UNC5D: variants seen among roughly 807,000 people sequenced by gnomAD.
The protein encoded by UNC5D is netrin receptor UNC5D.
A neutral mutation model predicts 105.4 loss-of-function variants in UNC5D; 39 were observed. The observed-to-expected ratio is 0.37, with a 90% CI of 0.29 to 0.48. The LOEUF is 0.48. Among genes scored for constraint, UNC5D ranks in the 20% least tolerant of loss-of-function variants. UNC5D has a pLI of 0.98. For missense variants in UNC5D, 991 were observed against 1,202.4 expected (o/e 0.82, Z 2.60); for synonymous variants, 452 against 450.4 (o/e 1.00, Z -0.04).
At chr8:35,282,728 C>G (rs1022513969) in intron 1 of UNC5D, among the ~76,000 whole-genome samples, 1 of 111,940 alleles carries the variant, frequency 8.9e-6, no homozygotes, top group Non-Finnish European at 1.9e-5. Flanking sequence ...AAAAAAGCAA[C>G]CCAAAGCAGC....
chr8:35,292,322 T>G (rs1306070867), intron 1 of UNC5D, among the ~76,000 whole-genome samples: 1 of 152,212 alleles, frequency 6.6e-6, no homozygotes, highest in African/African-American at 2.4e-5. Flanking sequence ...ATGTGAGGAT[T>G]TTACTCACTT....
At chr8:35,552,735 T>C (rs28593494) in intron 2 of UNC5D, among the ~76,000 whole-genome samples, 1,987 of 152,236 alleles carry the variant, frequency 0.013, 59 homozygotes, top group African/African-American at 0.046. Flanking sequence ...GATCTTGTGC[T>C]CCCAAGGCTG....
intron 1 of UNC5D, among the ~76,000 whole-genome samples, chr8:35,259,347 C>T (rs1804288262): frequency 6.6e-6 from 1 of 152,122 alleles, no homozygotes; most frequent in South Asian, 2.1e-4. Context: ...AGATTTTACC[C>T]ACATTGCAGT....
At chr8:35,698,434 C>G (rs149402467) in intron 7 of UNC5D, among the ~76,000 whole-genome samples, 1 of 152,068 alleles carries the variant, frequency 6.6e-6, no homozygotes, top group African/African-American at 2.4e-5. Flanking sequence ...CCAGCCTCAG[C>G]CCTCAGCAAC....
intron 1 of UNC5D, among the ~76,000 whole-genome samples, chr8:35,243,081 A>G (rs1802893597): frequency 1.3e-5 from 2 of 152,184 alleles, no homozygotes. Context: ...TTCTGATTTA[A>G]TAAACCTGGG....
intron 1 of UNC5D, among the ~76,000 whole-genome samples, chr8:35,436,249 A>T (rs527666797): frequency 1.3e-5 from 2 of 152,190 alleles, no homozygotes; most frequent in East Asian, 3.9e-4. Flanking sequence ...TTGATTATAC[A>T]CTGGGGTCTA....
chr8:35,755,050 G>A (rs1218595299), intron 13 of UNC5D, among the ~76,000 whole-genome samples: 1 of 152,088 alleles, frequency 6.6e-6, no homozygotes, highest in Admixed American at 6.5e-5. Flanking sequence ...ATGCTTGTAT[G>A]TTTGACATCA....
chr8:35,273,178 T>C (rs537820073), intron 1 of UNC5D, among the ~76,000 whole-genome samples: 1 of 152,134 alleles, frequency 6.6e-6, no homozygotes, highest in Non-Finnish European at 1.5e-5. Flanking sequence ...AAATATGGAG[T>C]ATCTCAATAA....
intron 4 of UNC5D, among the ~76,000 whole-genome samples, chr8:35,608,411 A>G (rs967312837): frequency 6.6e-6 from 1 of 152,206 alleles, no homozygotes; most frequent in South Asian, 2.1e-4. Context: ...CTTAGCAAAC[A>G]TTTATTTTTA....
intron 1 of UNC5D, among the ~76,000 whole-genome samples, chr8:35,415,036 G>T (rs1805443648): frequency 1.3e-5 from 2 of 152,148 alleles, no homozygotes; most frequent in South Asian, 4.1e-4. Flanking sequence ...CTCACCTTAG[G>T]TCTAAATCAG....
At position 35,790,686 on chromosome 8, in the gene UNC5D, T is replaced by G; in HGVS notation, c.*123T>G. 1 of 1,083,172 alleles carries G rather than the reference T, an allele frequency of 9.2e-7. No homozygotes were observed. The highest frequency in any genetic ancestry group is 1.3e-6 in the Non-Finnish European group (1 of 746,104). The allele number at this position is 1,083,172 out of a possible 1,614,324, so 67.1% of individuals were successfully genotyped here. ...CAGCCTTCATTTATAATCAGTGAGA[T>G]TCCCCTGTTGAAGAAACTAAATTTT... On this transcript the variant is annotated 3_prime_UTR_variant, in exon 17 of 17. Coordinates refer to ENST00000404895, the MANE Select transcript of UNC5D (RefSeq NM_080872.4).
At chr8:35,249,004 T>TA (rs1803474405) in intron 1 of UNC5D, among the ~76,000 whole-genome samples, 1 of 74,572 alleles carries the variant, frequency 1.3e-5, no homozygotes, top group Non-Finnish European at 2.4e-5. Context: ...TATATAAACA[T>TA]ATATAATATA....
chr8:35,533,458 T>G (rs112688575), intron 1 of UNC5D, among the ~76,000 whole-genome samples: 2 of 152,174 alleles, frequency 1.3e-5, no homozygotes, highest in African/African-American at 4.8e-5. Context: ...AAAGCTGTCA[T>G]ACAAGGACAC....
chr8:35,294,493 C>A (rs1202996447), intron 1 of UNC5D, among the ~76,000 whole-genome samples: 2 of 152,166 alleles, frequency 1.3e-5, no homozygotes, highest in South Asian at 2.1e-4. Flanking sequence ...GCATTTAATT[C>A]TTTTTGCTCA....
At chr8:35,624,200 A>G (rs556945183) in intron 4 of UNC5D, among the ~76,000 whole-genome samples, 4 of 152,364 alleles carry the variant, frequency 2.6e-5, no homozygotes, top group Admixed American at 2.6e-4. Flanking sequence ...AAGATTAGTC[A>G]TCTTCACTCA....
At chr8:35,533,554 T>C (rs1397911060) in intron 1 of UNC5D, among the ~76,000 whole-genome samples, 1 of 152,222 alleles carries the variant, frequency 6.6e-6, no homozygotes, top group African/African-American at 2.4e-5. Flanking sequence ...GCAGGCCTCC[T>C]TGAGCTGTGG....
At chr8:35,614,778 A>C (rs1820910608) in intron 4 of UNC5D, among the ~76,000 whole-genome samples, 1 of 152,202 alleles carries the variant, frequency 6.6e-6, no homozygotes, top group Non-Finnish European at 1.5e-5. Context: ...CTGACTTTTG[A>C]CACGTCTTTA....
intron 1 of UNC5D, among the ~76,000 whole-genome samples, chr8:35,448,574 A>AGGCTCAG (rs1807945543): frequency 6.6e-6 from 1 of 152,128 alleles, no homozygotes; most frequent in African/African-American, 2.4e-5. Flanking sequence ...CCTCCCCAGC[A>AGGCTCAG]GAGGTGGGGC....
In UNC5D at chr8:35,397,734, T is replaced by C. The variant is rs147613697; in HGVS notation, c.104-151558T>C. Among the ~76,000 whole-genome samples the C allele has an allele frequency of 3.1e-3, 467 of 152,338 alleles. 6 individuals are homozygous for C. The highest frequency in any genetic ancestry group is 0.011 in the African/African-American group (441 of 41,580). On this transcript the variant is annotated intron_variant, in intron 1 of 16. Transcript: ENST00000404895. The stretch of plus-strand genomic sequence containing the variant: ...TCCTGATTCAAGCCACTCTCGTTTG[T>C]AGTCTGGGTTGCTGCAATAGCGTCC...
Sources: allele counts gnomAD v4.1 joint callset (sites outside exome capture counted in the v4.1 genomes callset), GRCh38; gene constraint gnomAD v4.1.1; transcripts MANE v1.5; gene names NCBI Gene and HGNC (gene_info 2026-07-23, HGNC 2026-07-21).